Variants in CADPS observed in about 807,000 individuals in gnomAD.
The protein encoded by CADPS is calcium dependent secretion activator, also known as calcium-dependent secretion activator 1.
Under a neutral mutation model 167.3 loss-of-function variants are expected in CADPS, and 57 were observed. The observed-to-expected ratio is 0.34, with a 90% CI of 0.28 to 0.42. The LOEUF (loss-of-function observed/expected upper bound fraction) is 0.42. Among genes scored for constraint, CADPS ranks in the 20% least tolerant of loss-of-function variants. The probability of loss-of-function intolerance (pLI) is 1.00; values close to 1 mark genes in which losing one functional copy is unlikely to be tolerated. For synonymous variants in CADPS, 676 were observed against 635.3 expected (o/e 1.06, Z -0.96); for missense variants, 1,414 against 1,738.1 (o/e 0.81, Z 3.32).
At chr3:62,795,903 G>A (rs982661829) in intron 1 of CADPS, among the ~76,000 whole-genome samples, 20 of 152,188 alleles carry the variant, frequency 1.3e-4, no homozygotes, top group Admixed American at 1.3e-3. Context: ...TATTCCAGGT[G>A]GAGGGAACAA....
At chr3:62,495,779 T>C (rs2064639138) in intron 18 of CADPS, among the ~76,000 whole-genome samples, 1 of 152,236 alleles carries the variant, frequency 6.6e-6, no homozygotes, top group Non-Finnish European at 1.5e-5. Context: ...TGTTTGTGAA[T>C]AGATTAGACT....
intron 6 of CADPS, among the ~76,000 whole-genome samples, chr3:62,640,320 G>A (rs1408380310): frequency 6.6e-6 from 1 of 152,066 alleles, no homozygotes; most frequent in Non-Finnish European, 1.5e-5. Flanking sequence ...GCAACTGGAG[G>A]GAACAACTTC....
At chr3:62,829,090 T>C (rs1169325648) in intron 1 of CADPS, among the ~76,000 whole-genome samples, 1 of 152,152 alleles carries the variant, frequency 6.6e-6, no homozygotes, top group Non-Finnish European at 1.5e-5. Context: ...CTTAGGGACC[T>C]GATGACTAAT....
At chr3:62,533,658 T>C (rs2074154994) in intron 12 of CADPS, among the ~76,000 whole-genome samples, 1 of 152,308 alleles carries the variant, frequency 6.6e-6, no homozygotes, top group Admixed American at 6.5e-5. Flanking sequence ...AGTCTTCTTG[T>C]TTTCTCTACT....
chr3:62,516,093 G>T lies in CADPS; in HGVS notation c.2547C>A (p.Asn849Lys), dbSNP rs2151659044. The change falls in exon 16 of 30, where the codon AAC becomes AAA. Residue 849 changes from asparagine (N) to lysine (K), a missense_variant. Asn to Lys is a moderately conservative substitution (Grantham distance 94, BLOSUM62 0). Around this residue, in one of 6 missense-constraint regions of CADPS, gnomAD observed 529 missense variants for 629.6 expected, o/e 0.84. Coordinates refer to ENST00000383710, the MANE Select transcript of CADPS (RefSeq NM_003716.4). ...RKCLEQAALV[N>K]YSRLSEYAKI... is the part of the protein sequence containing the mutation. ...TGGCATACTCTGAGAGCCGAGAATA[G>T]TTGACTAACGCAGCCTGTTCCAGAC... 1 of 1,613,320 alleles carries T rather than the reference G, an allele frequency of 6.2e-7. No homozygotes were observed. The highest frequency in any genetic ancestry group is 8.5e-7 in the Non-Finnish European group (1 of 1,179,438).
intron 3 of CADPS, among the ~76,000 whole-genome samples, chr3:62,672,077 G>C (rs2075628115): frequency 6.6e-6 from 1 of 152,066 alleles, no homozygotes; most frequent in Non-Finnish European, 1.5e-5. Flanking sequence ...ACCACACCCA[G>C]CCAATTTTTT....
intron 29 of CADPS, among the ~76,000 whole-genome samples, chr3:62,401,110 A>G (rs888310499): frequency 1.3e-5 from 2 of 152,210 alleles, no homozygotes; most frequent in African/African-American, 4.8e-5. Flanking sequence ...AGTCTTGCTG[A>G]GAGGAGGAAG....
At chr3:62,466,297 C>G in intron 25 of CADPS, 42 bp downstream of exon 25, 1 of 1,300,552 alleles carries the variant, frequency 7.7e-7, no homozygotes, top group Non-Finnish European at 1.1e-6. Context: ...CATAACAAAG[C>G]AGTGTTCACA....
At chr3:62,614,300 G>C (rs1011295715) in intron 6 of CADPS, among the ~76,000 whole-genome samples, 10 of 152,262 alleles carry the variant, frequency 6.6e-5, no homozygotes, top group Middle Eastern at 3.4e-3. Flanking sequence ...TGTTTGCTAA[G>C]TATATGTGAC....
intron 8 of CADPS, among the ~76,000 whole-genome samples, chr3:62,583,395 G>C (rs1473936188): frequency 6.6e-6 from 1 of 152,154 alleles, no homozygotes; most frequent in Non-Finnish European, 1.5e-5. Flanking sequence ...AATATTGTCA[G>C]AATATATACC....
At chr3:62,732,876 G>A (rs1328052414) in intron 3 of CADPS, among the ~76,000 whole-genome samples, 1 of 152,174 alleles carries the variant, frequency 6.6e-6, no homozygotes, top group Non-Finnish European at 1.5e-5. Flanking sequence ...GGTTCAGAGA[G>A]GGTAAGAAGT....
At chr3:62,677,357 C>G (rs1277132663) in intron 3 of CADPS, among the ~76,000 whole-genome samples, 3 of 152,116 alleles carry the variant, frequency 2.0e-5, no homozygotes, top group Admixed American at 2.0e-4. Flanking sequence ...AGATTTGACA[C>G]TAGCTCAGAT....
At chr3:62,804,030 C>A (rs938271086) in intron 1 of CADPS, among the ~76,000 whole-genome samples, 1 of 152,078 alleles carries the variant, frequency 6.6e-6, no homozygotes, top group Non-Finnish European at 1.5e-5. Flanking sequence ...GACCACACTG[C>A]CTCAGTAGGA....
chr3:62,774,023 G>C (rs893941181), intron 1 of CADPS, among the ~76,000 whole-genome samples: 1 of 152,106 alleles, frequency 6.6e-6, no homozygotes, highest in African/African-American at 2.4e-5. Flanking sequence ...AATGAACATG[G>C]AGACATAATT....
intron 1 of CADPS, among the ~76,000 whole-genome samples, chr3:62,832,753 C>T (rs2075303752): frequency 6.6e-6 from 1 of 152,250 alleles, no homozygotes; most frequent in African/African-American, 2.4e-5. Flanking sequence ...AGAACACAAG[C>T]TGCTGCCGCT....
chr3:62,651,218 A>G, intron 4 of CADPS, 138 bp from the exon 5 acceptor site: 3 of 644,136 alleles, frequency 4.7e-6, no homozygotes, highest in Non-Finnish European at 8.0e-6. Context: ...GCCTTGTGCT[A>G]GAAAAATGTT....
intron 10 of CADPS, among the ~76,000 whole-genome samples, chr3:62,554,940 A>G (rs541726021): frequency 6.6e-6 from 1 of 152,116 alleles, no homozygotes; most frequent in South Asian, 2.1e-4. Context: ...TTTAGTAGAG[A>G]TGGGGTTTCA....
intron 1 of CADPS, among the ~76,000 whole-genome samples, chr3:62,858,639 T>C (rs2080158364): frequency 6.6e-6 from 1 of 152,204 alleles, no homozygotes; most frequent in Non-Finnish European, 1.5e-5. Flanking sequence ...AGATATTATA[T>C]TTAAAATGTA....
At chr3:62,847,422 TCC>T (rs1195701610) in intron 1 of CADPS, among the ~76,000 whole-genome samples, 4 of 36,522 alleles carry the variant, frequency 1.1e-4, no homozygotes, top group Admixed American at 2.7e-4. Flanking sequence ...ATGCTATCCC[TCC>T]CCCCTCCCCC....
Sources: allele counts gnomAD v4.1 joint callset (sites outside exome capture counted in the v4.1 genomes callset), GRCh38; gene constraint gnomAD v4.1.1; regional missense constraint gnomAD v4.1.1; transcripts MANE v1.5; gene names NCBI Gene and HGNC (gene_info 2026-07-23, HGNC 2026-07-21).